PDCD2L: variants seen among roughly 807,000 people sequenced by gnomAD.
The protein encoded by PDCD2L is uS5 assembly chaperone PDCD2L.
PDCD2L carries 44 observed loss-of-function variants against 40.4 expected under a neutral mutation model. The observed-to-expected ratio is 1.09, with a 90% CI of 0.86 to 1.40. PDCD2L has a LOEUF of 1.40. PDCD2L is among the 40% of genes most tolerant of loss of function. PDCD2L has a pLI of 0.00. For synonymous variants in PDCD2L, 194 were observed against 174.6 expected, an observed-to-expected ratio of 1.11 and a Z score of -0.88; for missense variants, 470 against 453.7, an observed-to-expected ratio of 1.04 and a Z score of -0.33.
chr19:34,421,495 G>A (rs1568361355), intron 5 of PDCD2L, 24 bp from the exon 6 acceptor site: 2 of 1,612,434 alleles, frequency 1.2e-6, no homozygotes, highest in Non-Finnish European at 1.7e-6. Context: ...CTCTGATTCG[G>A]GGTTCTTTGT....
chr19:34,404,998 TTG>T lies in PDCD2L; in HGVS notation c.336+11_336+12del, dbSNP rs1459649667. ...GAGGCGCAGGACGCTCAGGTAAAGG[TTG>T]TGATTGGCATGTTATTGTTTTTCTG... On this transcript the variant is annotated intron_variant, in intron 3 of 6. Coordinates refer to ENST00000246535, the MANE Select transcript of PDCD2L (RefSeq NM_032346.2). The T allele has an allele frequency of 1.2e-6, 2 of 1,613,996 alleles. No individual in the cohort carries two copies. Among genetic ancestry groups the T allele is most frequent in the Admixed American group, 1.7e-5 (1 of 60,000 alleles).
chr19:34,420,318 G>GTT (rs775170239), intron 5 of PDCD2L, among the ~76,000 whole-genome samples: 1 of 142,350 alleles, frequency 7.0e-6, no homozygotes. Context: ...TTTTTTTTTG[G>GTT]TTTTTTTTTT....
At chr19:34,405,102 T>C in intron 3 of PDCD2L, 112 bp downstream of exon 3, 2 of 1,127,854 alleles carry the variant, frequency 1.8e-6, no homozygotes, top group Middle Eastern at 2.7e-4. Flanking sequence ...CTGGAGTGTT[T>C]TTTGCTTTTC....
intron 5 of PDCD2L, among the ~76,000 whole-genome samples, chr19:34,415,817 A>T (rs988346847): frequency 1.3e-5 from 2 of 152,240 alleles, no homozygotes; most frequent in Non-Finnish European, 2.9e-5. Flanking sequence ...TAACTAAGTT[A>T]TCTTTGCAGA....
intron 5 of PDCD2L, among the ~76,000 whole-genome samples, chr19:34,417,411 C>T (rs1182626603): frequency 6.6e-6 from 1 of 152,020 alleles, no homozygotes; most frequent in African/African-American, 2.4e-5. Context: ...AGTTCCAGAT[C>T]AGCCTGGCCA....
At chr19:34,406,409 G>A (rs1345660477) in intron 3 of PDCD2L, among the ~76,000 whole-genome samples, 3 of 147,700 alleles carry the variant, frequency 2.0e-5, no homozygotes, top group Admixed American at 6.7e-5. Flanking sequence ...TTTTTGAGAC[G>A]GAGTCTTGCT....
At chr19:34,424,123 T>G (rs1403381025) in intron 6 of PDCD2L, among the ~76,000 whole-genome samples, 3 of 152,134 alleles carry the variant, frequency 2.0e-5, no homozygotes, top group African/African-American at 7.2e-5. Context: ...TCCTGTCATT[T>G]CTTGGTGGTT....
At chr19:34,410,762 T>TTATATATATTTA (rs146147218) in intron 4 of PDCD2L, among the ~76,000 whole-genome samples, 10 of 146,322 alleles carry the variant, frequency 6.8e-5, no homozygotes, top group African/African-American at 2.5e-4. Flanking sequence ...ACTTTTTATT[T>TTATATATATTTA]TTTATTTATT....
chr19:34,424,743 TC>T (rs1446462760), intron 6 of PDCD2L, among the ~76,000 whole-genome samples: 2 of 107,490 alleles, frequency 1.9e-5, no homozygotes, highest in Non-Finnish European at 4.4e-5. Flanking sequence ...TGCCATTTTT[TC>T]ATTTTTTTTT....
Position 34,413,765 on chromosome 19 carries a change from GAGA to G in PDCD2L, c.719_721del (p.Lys240del). On this transcript the variant is annotated inframe_deletion, in exon 5 of 7. Transcript: ENST00000246535. Reference sequence around the variant, plus strand: ...TCCTAATGATGGTGATGAAAAATATGAGAAGACCATAATTAAAAGTGGAGATCA... The same window carrying G: ...TCCTAATGATGGTGATGAAAAATATGAGACCATAATTAAAAGTGGAGATCA... The G allele has an allele frequency of 6.2e-7, 1 of 1,601,772 alleles. No individual in the cohort carries two copies. Among genetic ancestry groups the G allele is most frequent in the Non-Finnish European group, 8.5e-7 (1 of 1,171,170 alleles).
chr19:34,410,300 G>A (rs1370324788), intron 4 of PDCD2L, among the ~76,000 whole-genome samples: 1 of 152,182 alleles, frequency 6.6e-6, no homozygotes. Context: ...TACCCAGGCT[G>A]GAGTGCAATG....
intron 5 of PDCD2L, 80 bp downstream of exon 5, chr19:34,413,927 A>C (rs920351826): frequency 1.1e-6 from 1 of 927,982 alleles, no homozygotes; most frequent in African/African-American, 1.7e-5. Context: ...ACAGGAAAAT[A>C]TGAGAAAAGC....
chr19:34,410,094 A>T (rs2075095213), intron 4 of PDCD2L, among the ~76,000 whole-genome samples: 1 of 152,106 alleles, frequency 6.6e-6, no homozygotes. Context: ...AAGAATGATC[A>T]TTTTTGCTTA....
At chr19:34,421,295 T>C in intron 5 of PDCD2L, 1 of 531,766 alleles carries the variant, frequency 1.9e-6, no homozygotes, top group Non-Finnish European at 3.4e-6. Context: ...TGTTGCAGCT[T>C]TACCTAGATT....
At chr19:34,411,456 G>A (rs925178964) in intron 4 of PDCD2L, among the ~76,000 whole-genome samples, 4 of 151,194 alleles carry the variant, frequency 2.6e-5, no homozygotes, top group African/African-American at 9.7e-5. Context: ...TACTGGCCGG[G>A]CTCTTCTTGG....
intron 4 of PDCD2L, among the ~76,000 whole-genome samples, chr19:34,410,622 T>G (rs768551527): frequency 7.2e-5 from 11 of 152,136 alleles, no homozygotes; most frequent in Non-Finnish European, 1.5e-4. Flanking sequence ...ATAGAATATT[T>G]GGAGAAATGG....
At chr19:34,416,552 AC>A (rs1247071513) in intron 5 of PDCD2L, among the ~76,000 whole-genome samples, 2 of 152,174 alleles carry the variant, frequency 1.3e-5, no homozygotes, top group Middle Eastern at 3.4e-3. Context: ...CTATCTCCTC[AC>A]CCCAGTTTCC....
In PDCD2L at chr19:34,425,976, G is replaced by A. The variant is rs200405700; in HGVS notation, c.947-14G>A. Reference sequence around the variant, plus strand: ...CTCTTTTTGCTGGAAGCCTGAATATGTGGTATTTTTCAGGTCTTTCTGTGG... The same window carrying A: ...CTCTTTTTGCTGGAAGCCTGAATATATGGTATTTTTCAGGTCTTTCTGTGG... On this transcript the variant is annotated splice_polypyrimidine_tract_variant and intron_variant, in intron 6 of 6. Coordinates refer to ENST00000246535, the MANE Select transcript of PDCD2L (RefSeq NM_032346.2). 73 of 1,608,080 alleles carry A rather than the reference G, an allele frequency of 4.5e-5. No individual in the cohort carries two copies. In the Admixed American group the frequency reaches 1.2e-3, roughly 27 times the overall value.
At chr19:34,413,591 C>T in intron 4 of PDCD2L, 146 bp from the exon 5 acceptor site, 1 of 453,024 alleles carries the variant, frequency 2.2e-6, no homozygotes, top group Non-Finnish European at 4.0e-6. Context: ...CCTGCCTCGG[C>T]CTCCCAAAGT....
Sources: gnomAD v4.1 joint callset for allele counts (sites outside exome capture counted in the v4.1 genomes callset) on GRCh38, gnomAD v4.1.1 for gene constraint, MANE v1.5 for transcripts, NCBI Gene and HGNC (gene_info 2026-07-23, HGNC 2026-07-21) for gene names.